Variants in SYNE1 observed in about 807,000 individuals in gnomAD.
The protein encoded by SYNE1 is spectrin repeat containing nuclear envelope protein 1, also known as nesprin-1.
In SYNE1, 616 loss-of-function variants were observed where a neutral mutation model predicts 1,111.0. The ratio of observed to expected loss-of-function variants is 0.55; its 90% CI spans 0.52 to 0.59. The LOEUF (loss-of-function observed/expected upper bound fraction) is 0.59, where lower values mean the gene tolerates loss of function less well. SYNE1 is among the 20% of genes least tolerant of loss of function. The pLI is 0.00. For missense variants in SYNE1, 10,006 were observed against 10,417.0 expected (o/e 0.96, Z 1.72); for synonymous variants, 3,855 against 3,825.8 (o/e 1.01, Z -0.28).
At chr6:152,428,914 C>A (rs1017174541) in intron 36 of SYNE1, among the ~76,000 whole-genome samples, 29 of 151,962 alleles carry the variant, frequency 1.9e-4, no homozygotes, top group Non-Finnish European at 4.0e-4. Flanking sequence ...AAACTTTCAA[C>A]TTTCCCTTAA....
intron 42 of SYNE1, among the ~76,000 whole-genome samples, chr6:152,410,694 G>A (rs2098017918): frequency 1.3e-5 from 2 of 152,184 alleles, no homozygotes; most frequent in Non-Finnish European, 1.5e-5. Context: ...TCACACCACT[G>A]TGCTCCAGCC....
At position 152,425,568 on chromosome 6, in the gene SYNE1, C is replaced by T. The variant is rs144183341; in HGVS notation, c.5101-21G>A. Reference sequence around the variant, plus strand: ...AGTGCCTGAAAAATACAAGACATTACGGATCTCATCCTAACAGGACTGAAA... The same window carrying T: ...AGTGCCTGAAAAATACAAGACATTATGGATCTCATCCTAACAGGACTGAAA... On this transcript the variant is annotated intron_variant, in intron 38 of 145. Coordinates refer to ENST00000367255, the MANE Select transcript of SYNE1 (RefSeq NM_182961.4). 44 of 1,613,916 alleles carry T rather than the reference C, an allele frequency of 2.7e-5. No individual in the cohort carries two copies. In the African/African-American group the frequency reaches 3.1e-4, roughly 11 times the overall value.
intron 3 of SYNE1, among the ~76,000 whole-genome samples, chr6:152,605,055 AGGGAGG>A (rs1398927002): frequency 4.8e-5 from 2 of 41,856 alleles, no homozygotes; most frequent in African/African-American, 1.9e-4. Context: ...GGAGGGAGGG[AGGGAGG>A]GAGGGAGGGA....
chr6:152,229,361 C>T (rs2082245003), intron 115 of SYNE1, among the ~76,000 whole-genome samples: 1 of 152,050 alleles, frequency 6.6e-6, no homozygotes, highest in Admixed American at 6.6e-5. Flanking sequence ...ACAAGAAGAC[C>T]TGTGGAAAGA....
chr6:152,404,736 T>C (rs78660529), intron 45 of SYNE1: 3,646 of 178,684 alleles, frequency 0.02, 128 homozygotes, highest in African/African-American at 0.08. Flanking sequence ...CTAGTTATTA[T>C]AGACTATGTG....
At chr6:152,341,173 C>G (rs938843480) in intron 74 of SYNE1, among the ~76,000 whole-genome samples, 4 of 152,122 alleles carry the variant, frequency 2.6e-5, no homozygotes, top group African/African-American at 9.7e-5. Context: ...ATTGAATGTA[C>G]AAGCGAACTA....
At position 152,148,053 on chromosome 6, in the gene SYNE1, C is replaced by G. The variant is rs2252755; in HGVS notation, c.24968G>C (p.Gly8323Ala). ...GAGAGGCTCTTTCCTACCTGATAAGCCAACAGCTCCCCGGAGGTAGAAATC... is the reference window on the plus strand; with the variant it reads ...GAGAGGCTCTTTCCTACCTGATAAGGCAACAGCTCCCCGGAGGTAGAAATC... ...DKDFYLRGAVGLSGDHSALES... is the reference protein window; with the variant it reads ...DKDFYLRGAVALSGDHSALES... Residue 8323 changes from glycine to alanine, a missense_variant, in exon 137 of 146, where the codon GGC (glycine) becomes GCC (alanine). By Grantham distance (60) the Gly-to-Ala change is moderately conservative (BLOSUM62 0). Coordinates refer to ENST00000367255, the MANE Select transcript of SYNE1 (RefSeq NM_182961.4). This position sits in a 1 kb window ranked among gnomAD's most constrained non-coding sequence, Gnocchi z 4.1. The G allele has an allele frequency of 0.34, 548,921 of 1,612,836 alleles. 95,907 individuals carry two copies. Among genetic ancestry groups the G allele is most frequent in the Admixed American group, 0.5 (29,800 of 59,972 alleles).
chr6:152,427,126 C>G (rs952603423), intron 38 of SYNE1, among the ~76,000 whole-genome samples: 1 of 152,122 alleles, frequency 6.6e-6, no homozygotes, highest in African/African-American at 2.4e-5. Flanking sequence ...GATTTTCTTT[C>G]TTTAAGTTTA....
intron 58 of SYNE1, among the ~76,000 whole-genome samples, chr6:152,375,780 T>A (rs554450743): frequency 6.6e-6 from 1 of 152,202 alleles, no homozygotes; most frequent in Non-Finnish European, 1.5e-5. Flanking sequence ...TCAGGAACAA[T>A]GCTTGTCACA....
In SYNE1 at chr6:152,409,108, A is replaced by G. The variant is rs1267803847; in HGVS notation, c.6500T>C (p.Val2167Ala). ...KKIHSSDFSL[V>A]KTDMESTVDK... ...CACGGTGCTCTCCATGTCTGTTTTC[A>G]CCAAGCTGAAATCACTACTGTGAAT... Residue 2167 changes from valine to alanine, a missense_variant, in exon 44 of 146, where the codon GTG becomes GCG. Coordinates refer to ENST00000367255, the MANE Select transcript of SYNE1 (RefSeq NM_182961.4). 1.2e-6 allele frequency: 2 copies of G among 1,614,188 alleles called. No individual in the cohort carries two copies. Among genetic ancestry groups the G allele is most frequent in the South Asian group, 1.1e-5 (1 of 91,084 alleles).
chr6:152,604,584 A>C (rs757250320), intron 3 of SYNE1, among the ~76,000 whole-genome samples: 1 of 152,110 alleles, frequency 6.6e-6, no homozygotes, highest in African/African-American at 2.4e-5. Context: ...AATTACAGGC[A>C]TGAGCCACTG....
Position 152,330,910 on chromosome 6 carries a change from A to G in SYNE1, c.13775T>C (p.Met4592Thr). Residue 4592 changes from methionine (M) to threonine (T), a missense_variant, in exon 78 of 146, where the codon ATG (methionine) becomes ACG (threonine). This residue lies in a region of SYNE1 where 4,955 missense variants were observed against 5,017.2 expected (regional missense o/e 0.99). Transcript: ENST00000367255. ...TGTATGAAGCTCAGAACTCTCATTC[A>G]TTAGGTTGATTTCAGGAAATGTAAC... ...DIVTFPEINLMNESSELHTQL... is the reference protein window; with the variant it reads ...DIVTFPEINLTNESSELHTQL... The G allele has an allele frequency of 1.2e-6, 2 of 1,614,094 alleles. No homozygotes were observed. Among genetic ancestry groups the G allele is most frequent in the Non-Finnish European group, 8.5e-7 (1 of 1,179,938 alleles).
intron 126 of SYNE1, among the ~76,000 whole-genome samples, chr6:152,203,286 AGCAGAGCTT>A (rs2075876094): frequency 6.6e-6 from 1 of 152,224 alleles, no homozygotes; most frequent in African/African-American, 2.4e-5. Context: ...CAGGAACCAC[AGCAGAGCTT>A]GATCTTTTTT....
chr6:152,416,807 T>C lies in SYNE1; in HGVS notation c.5630A>G (p.His1877Arg). ...LSHLAEFLQS[H>R]ASLSGILRQL... ...GCGGAGAATGCCGGACAGAGAGGCA[T>C]GGCTCTGGAGGAATTCTGCCAAATG... is the stretch of plus-strand genomic sequence containing the variant. The change falls in exon 41 of 146, where the codon CAT (histidine) becomes CGT (arginine). Residue 1877 changes from histidine to arginine, a missense_variant. Coordinates refer to ENST00000367255, the MANE Select transcript of SYNE1 (RefSeq NM_182961.4). 6.2e-7 allele frequency: 1 copy of C among 1,614,196 alleles called. No homozygotes were observed. Among genetic ancestry groups the C allele is most frequent in the South Asian group, 1.1e-5 (1 of 91,086 alleles).
chr6:152,362,295 T>C lies in SYNE1; in HGVS notation c.10174A>G (p.Thr3392Ala). The C allele has an allele frequency of 6.2e-7, 1 of 1,614,246 alleles. No homozygotes were observed. The highest frequency in any genetic ancestry group is 1.3e-5 in the African/African-American group (1 of 75,066). ...SQLEGALSKW[T>A]SYQDGVRQFS... ...TGTCGAACGCCATCCTGATAACTTG[T>C]CCACTTGGAGAGAGCTCCTTCGAGT... Residue 3392 changes from threonine (T) to alanine (A), a missense_variant, in exon 64 of 146, where the codon ACA becomes GCA. Coordinates refer to ENST00000367255, the MANE Select transcript of SYNE1 (RefSeq NM_182961.4).
intron 91 of SYNE1, chr6:152,302,269 T>G: frequency 3.0e-6 from 2 of 660,186 alleles, no homozygotes; most frequent in Non-Finnish European, 5.3e-6. Context: ...ACAGCCAAAG[T>G]GCCCGAGCCC....
chr6:152,595,984 C>T (rs1030735613), intron 3 of SYNE1, among the ~76,000 whole-genome samples: 2 of 150,852 alleles, frequency 1.3e-5, no homozygotes, highest in African/African-American at 4.9e-5. Context: ...CTGCCCTGAT[C>T]AGGCCATCAC....
intron 34 of SYNE1, among the ~76,000 whole-genome samples, chr6:152,433,252 C>T (rs1178161078): frequency 6.6e-6 from 1 of 152,140 alleles, no homozygotes; most frequent in Non-Finnish European, 1.5e-5. Context: ...TCCACCTGGT[C>T]ATTTTAGAGC....
intron 3 of SYNE1, among the ~76,000 whole-genome samples, chr6:152,574,139 T>C (rs1382485145): frequency 3.4e-5 from 5 of 145,424 alleles, no homozygotes; most frequent in African/African-American, 1.1e-4. Flanking sequence ...ATGGAATATA[T>C]AATGGGATAT....
Sources: gnomAD v4.1 joint callset for allele counts (sites outside exome capture counted in the v4.1 genomes callset) on GRCh38, gnomAD v4.1.1 for gene constraint, gnomAD v4.1.1 regional missense constraint, Gnocchi (gnomAD v3.1) non-coding constraint, MANE v1.5 for transcripts, NCBI Gene and HGNC (gene_info 2026-07-23, HGNC 2026-07-21) for gene names.